The following NUFIP1 variants were observed in gnomAD, a reference collection of about 807,000 sequenced individuals.
NUFIP1 encodes the protein nuclear FMR1 interacting protein 1.
Under a neutral mutation model 56.2 loss-of-function variants are expected in NUFIP1, and 38 were observed. The observed-to-expected ratio is 0.68, with a 90% CI of 0.52 to 0.89. NUFIP1 has a LOEUF of 0.89. NUFIP1 is among the 40% of genes least tolerant of loss of function. The pLI, the probability that NUFIP1 is intolerant of heterozygous loss-of-function variation, is 0.00. For synonymous variants in NUFIP1, 215 were observed against 212.4 expected (o/e 1.01, Z -0.10); for missense variants, 567 against 605.8 (o/e 0.94, Z 0.67).
At chr13:44,962,758 A>G (rs889726696) in intron 6 of NUFIP1, among the ~76,000 whole-genome samples, 1 of 152,152 alleles carries the variant, frequency 6.6e-6, no homozygotes, top group East Asian at 1.9e-4. Context: ...CGTTCTATTC[A>G]TGGTAAGTGT....
chr13:44,946,128 G>C (rs181861336), intron 8 of NUFIP1, among the ~76,000 whole-genome samples: 8 of 152,154 alleles, frequency 5.3e-5, no homozygotes, highest in Admixed American at 4.6e-4. Flanking sequence ...TTCCCCTCAA[G>C]TATCGATCAC....
chr13:44,978,002 T>C (rs939808999), intron 5 of NUFIP1, among the ~76,000 whole-genome samples: 6 of 152,176 alleles, frequency 3.9e-5, no homozygotes, highest in Admixed American at 2.6e-4. Context: ...TGGGCTGAGA[T>C]TGCGCCACTG....
intron 8 of NUFIP1, among the ~76,000 whole-genome samples, chr13:44,946,494 T>C (rs752045678): frequency 4.6e-4 from 70 of 152,204 alleles, no homozygotes; most frequent in African/African-American, 1.4e-3. Context: ...ACATGCAGAA[T>C]AGATATTAAA....
At chr13:44,965,992 A>C (rs1871587069) in intron 5 of NUFIP1, 56 bp from the exon 6 acceptor site, 2 of 986,974 alleles carry the variant, frequency 2.0e-6, no homozygotes, top group African/African-American at 1.7e-5. Flanking sequence ...ATTTTAAATA[A>C]GCAATCAAGC....
chr13:44,988,383 G>A (rs764618438), intron 1 of NUFIP1, among the ~76,000 whole-genome samples: 11 of 152,178 alleles, frequency 7.2e-5, no homozygotes, highest in Admixed American at 2.6e-4. Context: ...TGCAGAGACT[G>A]CATAGGCTGG....
At chr13:44,970,302 G>A (rs1871757234) in intron 5 of NUFIP1, among the ~76,000 whole-genome samples, 1 of 152,176 alleles carries the variant, frequency 6.6e-6, no homozygotes, top group East Asian at 1.9e-4. Flanking sequence ...GTACCCCTGA[G>A]TCTGACTAAC....
intron 5 of NUFIP1, among the ~76,000 whole-genome samples, chr13:44,977,533 T>C (rs974864385): frequency 6.6e-6 from 1 of 152,194 alleles, no homozygotes; most frequent in African/African-American, 2.4e-5. Context: ...AGCACTGACA[T>C]AGAGGTGGTG....
At chr13:44,967,913 C>T (rs1290204363) in intron 5 of NUFIP1, among the ~76,000 whole-genome samples, 2 of 152,074 alleles carry the variant, frequency 1.3e-5, no homozygotes, top group Non-Finnish European at 2.9e-5. Flanking sequence ...GAAACATCAA[C>T]AAATGTGTTC....
chr13:44,949,553 T>C (rs1871016346), intron 8 of NUFIP1, among the ~76,000 whole-genome samples, 169 bp downstream of exon 8: 1 of 152,226 alleles, frequency 6.6e-6, no homozygotes, highest in Non-Finnish European at 1.5e-5. Context: ...CATTTCTTTA[T>C]TACTCCAGAG....
chr13:44,959,145 G>A (rs985544066), intron 7 of NUFIP1, among the ~76,000 whole-genome samples: 1 of 152,140 alleles, frequency 6.6e-6, no homozygotes, highest in East Asian at 1.9e-4. Context: ...AAATTATCCA[G>A]CAAATACAGT....
chr13:44,959,807 C>A (rs1018512281), intron 6 of NUFIP1, among the ~76,000 whole-genome samples: 1 of 152,126 alleles, frequency 6.6e-6, no homozygotes, highest in African/African-American at 2.4e-5. Context: ...CTTGATTCTA[C>A]GCTGCAAATT....
At chr13:44,951,599 C>A (rs1355333643) in intron 7 of NUFIP1, among the ~76,000 whole-genome samples, 1 of 152,144 alleles carries the variant, frequency 6.6e-6, no homozygotes, top group African/African-American at 2.4e-5. Flanking sequence ...CATTTCTTTC[C>A]TCCCTTTTAT....
intron 6 of NUFIP1, among the ~76,000 whole-genome samples, chr13:44,961,287 T>C (rs1871415461): frequency 6.6e-6 from 1 of 152,126 alleles, no homozygotes; most frequent in African/African-American, 2.4e-5. Flanking sequence ...AGTAAATAAT[T>C]AGAAATCTGC....
Position 44,941,291 on chromosome 13 carries a change from T to C in NUFIP1, c.1403A>G (p.Asn468Ser), listed in dbSNP as rs375537487. ...LLAPDIRHERNVILQCVRYII... is the reference protein window; with the variant it reads ...LLAPDIRHERSVILQCVRYII... ...GTACCGAACACACTGCAAAATCACATTTCTTTCATGTCGAATGTCCGGAGC... is the reference window on the plus strand; with the variant it reads ...GTACCGAACACACTGCAAAATCACACTTCTTTCATGTCGAATGTCCGGAGC... Residue 468 changes from asparagine (N) to serine (S), a missense_variant, in exon 10 of 10, where the codon AAT becomes AGT. Coordinates refer to ENST00000379161, the MANE Select transcript of NUFIP1 (RefSeq NM_012345.3). 1.9e-6 allele frequency: 3 copies of C among 1,610,496 alleles called. No individual in the cohort carries two copies. In the South Asian group the frequency reaches 3.3e-5, roughly 18 times the overall value.
Position 44,957,706 on chromosome 13 carries a change from T to A in NUFIP1, c.1021+1675A>T, listed in dbSNP as rs530300625. 1.8e-3 allele frequency among the ~76,000 whole-genome samples: 269 copies of A among 152,174 alleles called. 2 individuals are homozygous for A. Among genetic ancestry groups the A allele is most frequent in the Admixed American group, 0.016 (251 of 15,284 alleles). On this transcript the variant is annotated intron_variant, in intron 7 of 9. Transcript: ENST00000379161. ...TATATACTGAAATACTTTTTTTTTTTAAATAAAAAGGGAAAACAGAATTAA... is the reference window on the plus strand; with the variant it reads ...TATATACTGAAATACTTTTTTTTTTAAAATAAAAAGGGAAAACAGAATTAA...
At chr13:44,967,372 G>A (rs1871642046) in intron 5 of NUFIP1, among the ~76,000 whole-genome samples, 1 of 152,006 alleles carries the variant, frequency 6.6e-6, no homozygotes, top group South Asian at 2.1e-4. Context: ...GCTGGGCATG[G>A]TGGCGGATGC....
chr13:44,988,188 G>C (rs1872488331), intron 1 of NUFIP1, among the ~76,000 whole-genome samples: 1 of 152,248 alleles, frequency 6.6e-6, no homozygotes, highest in African/African-American at 2.4e-5. Context: ...GGGAGGCTGA[G>C]GCGGGCGGAT....
chr13:44,989,119 G>C lies in NUFIP1; in HGVS notation c.318C>G (p.Ser106Arg), dbSNP rs1363560005. ...QSPLDSQPQP[S>R]GQPWNFHAST... ...AAGCATGGAAATTCCAAGGCTGGCC[G>C]CTGGGTTGAGGCTGAGAATCAAGGG... The change falls in exon 1 of 10, where the codon AGC becomes AGG. Residue 106 changes from serine (S) to arginine (R), a missense_variant. Ser to Arg is a moderately radical substitution (Grantham distance 110). Transcript: ENST00000379161. 1.9e-6 allele frequency: 3 copies of C among 1,614,112 alleles called. No individual in the cohort carries two copies. Among genetic ancestry groups the C allele is most frequent in the East Asian group, 4.5e-5 (2 of 44,872 alleles).
chr13:44,959,484 C>T lies in NUFIP1; in HGVS notation c.918G>A (p.Gln306=), dbSNP rs779700905. The change falls in exon 7 of 10, where the codon CAG becomes CAA. Residue 306 remains glutamine (Q), a synonymous_variant. Coordinates refer to ENST00000379161, the MANE Select transcript of NUFIP1 (RefSeq NM_012345.3). ...GACTGCCTGATCCAGTGACTGCTCT[C>T]TGTCTAGAATTGTCGTTTTTCCATT... ...NHKWKNDNSR[Q]RAVTGSGSHL... 1 of 1,614,216 alleles carries T rather than the reference C, an allele frequency of 6.2e-7. No homozygotes were observed. The highest frequency in any genetic ancestry group is 1.1e-5 in the South Asian group (1 of 91,084).
Sources: allele counts gnomAD v4.1 joint callset (sites outside exome capture counted in the v4.1 genomes callset), GRCh38; gene constraint gnomAD v4.1.1; transcripts MANE v1.5; gene names NCBI Gene and HGNC (gene_info 2026-07-23, HGNC 2026-07-21).